GRID2: variants seen among roughly 807,000 people sequenced by gnomAD.
GRID2 encodes the protein glutamate ionotropic receptor delta type subunit 2.
In GRID2, 33 loss-of-function variants were observed where a neutral mutation model predicts 114.8. That is an observed-to-expected ratio of 0.29 (90% confidence interval 0.22 to 0.38). The LOEUF is 0.38. GRID2 is among the 10% of genes least tolerant of loss of function. GRID2 has a pLI of 1.00. For synonymous variants in GRID2, 505 were observed against 449.9 expected, an observed-to-expected ratio of 1.12 and a Z score of -1.55; for missense variants, 1,184 against 1,257.7, an observed-to-expected ratio of 0.94 and a Z score of 0.89.
chr4:92,982,765 G>A (rs1446438747), intron 2 of GRID2, among the ~76,000 whole-genome samples: 1 of 151,988 alleles, frequency 6.6e-6, no homozygotes, highest in Non-Finnish European at 1.5e-5. Context: ...AATAAAGAGA[G>A]AAATAAAATA....
intron 1 of GRID2, among the ~76,000 whole-genome samples, chr4:92,468,537 CACTT>C (rs1475305854): frequency 6.6e-6 from 1 of 151,990 alleles, no homozygotes; most frequent in Admixed American, 6.6e-5. Flanking sequence ...CTTAATTAAA[CACTT>C]ATTTAAACAA....
intron 2 of GRID2, among the ~76,000 whole-genome samples, chr4:92,908,225 G>T (rs17019998): frequency 0.015 from 2,248 of 152,088 alleles, 21 homozygotes; most frequent in East Asian, 0.054. Context: ...TCAGAGATAA[G>T]TACTAGTTTC....
intron 8 of GRID2, among the ~76,000 whole-genome samples, chr4:93,366,241 G>A (rs948968310): frequency 6.6e-6 from 1 of 152,144 alleles, no homozygotes; most frequent in South Asian, 2.1e-4. Flanking sequence ...AAGCAAATGG[G>A]AGAAATAATG....
chr4:92,410,576 A>T (rs569249853), intron 1 of GRID2, among the ~76,000 whole-genome samples: 19 of 152,228 alleles, frequency 1.2e-4, no homozygotes, highest in African/African-American at 4.1e-4. Context: ...TACAGAAGCA[A>T]CATGCATGGT....
intron 1 of GRID2, among the ~76,000 whole-genome samples, chr4:92,343,698 C>T (rs566282089): frequency 2.5e-4 from 38 of 152,080 alleles, no homozygotes; most frequent in East Asian, 1.9e-3. Flanking sequence ...CTCATCCTCC[C>T]GAGTAGTTGG....
At chr4:92,935,218 G>C (rs1053711847) in intron 2 of GRID2, among the ~76,000 whole-genome samples, 3 of 146,432 alleles carry the variant, frequency 2.0e-5, no homozygotes, top group Non-Finnish European at 4.5e-5. Context: ...TCAAAAAGTG[G>C]GCAAAGGACA....
intron 14 of GRID2, among the ~76,000 whole-genome samples, chr4:93,647,781 C>T (rs1026004157): frequency 6.6e-6 from 1 of 152,096 alleles, no homozygotes; most frequent in Non-Finnish European, 1.5e-5. Flanking sequence ...ACATTCCCTA[C>T]AACTAATTTA....
At chr4:93,320,923 ATATAAGATATTTATTAGAATGT>A (rs1170624671) in intron 8 of GRID2, among the ~76,000 whole-genome samples, 2 of 152,046 alleles carry the variant, frequency 1.3e-5, no homozygotes, top group East Asian at 3.9e-4. Flanking sequence ...ATATATTAAT[ATATAAGATATTTATTAGAATGT>A]TCTCTTGATA....
At chr4:92,578,415 A>G (rs925510441) in intron 1 of GRID2, among the ~76,000 whole-genome samples, 1 of 151,198 alleles carries the variant, frequency 6.6e-6, no homozygotes, top group Non-Finnish European at 1.5e-5. Flanking sequence ...GATGATTTCC[A>G]ATTTCATCCA....
chr4:93,494,237 G>T (rs1727306563), intron 12 of GRID2, among the ~76,000 whole-genome samples: 1 of 151,794 alleles, frequency 6.6e-6, no homozygotes, highest in South Asian at 2.1e-4. Flanking sequence ...GCATGTCAAT[G>T]TACTATTTCC....
At chr4:92,489,856 A>G (rs981670138) in intron 1 of GRID2, among the ~76,000 whole-genome samples, 19 of 151,982 alleles carry the variant, frequency 1.3e-4, no homozygotes, top group African/African-American at 4.3e-4. Flanking sequence ...AAAAAAAAAA[A>G]AAAAAAGTAA....
intron 2 of GRID2, among the ~76,000 whole-genome samples, chr4:92,797,628 T>G (rs946864882): frequency 6.6e-6 from 1 of 152,014 alleles, no homozygotes; most frequent in Admixed American, 6.6e-5. Flanking sequence ...TATTTTATGA[T>G]AGTGAATGAT....
intron 14 of GRID2, among the ~76,000 whole-genome samples, chr4:93,689,825 A>C (rs574747509): frequency 6.6e-6 from 1 of 152,114 alleles, no homozygotes; most frequent in Non-Finnish European, 1.5e-5. Context: ...TTTCATTTAA[A>C]ATATTCAAAT....
At chr4:93,345,218 T>G (rs950318336) in intron 8 of GRID2, among the ~76,000 whole-genome samples, 2 of 152,082 alleles carry the variant, frequency 1.3e-5, no homozygotes, top group East Asian at 1.9e-4. Context: ...TTTAATTTTT[T>G]GGGGAAACTT....
intron 2 of GRID2, among the ~76,000 whole-genome samples, chr4:92,896,683 A>T (rs879886729): frequency 1.3e-5 from 2 of 152,136 alleles, no homozygotes; most frequent in Non-Finnish European, 2.9e-5. Context: ...CAGAAGTTTA[A>T]AAGCAGATTC....
intron 4 of GRID2, among the ~76,000 whole-genome samples, chr4:93,114,249 C>T (rs1430384377): frequency 6.6e-6 from 1 of 152,078 alleles, no homozygotes; most frequent in East Asian, 1.9e-4. Context: ...CAAAGGTAGA[C>T]AGAATTAGTT....
chr4:93,305,248 A>G (rs1266874796), intron 8 of GRID2, among the ~76,000 whole-genome samples: 1 of 152,142 alleles, frequency 6.6e-6, no homozygotes, highest in East Asian at 1.9e-4. Context: ...CAAAAGGTTA[A>G]ATGTAGTTGT....
chr4:93,158,634 C>T (rs577201175), intron 4 of GRID2, among the ~76,000 whole-genome samples: 2 of 151,880 alleles, frequency 1.3e-5, no homozygotes, highest in South Asian at 4.2e-4. Flanking sequence ...CACACACACA[C>T]ACAAATACCT....
intron 2 of GRID2, among the ~76,000 whole-genome samples, chr4:92,678,854 G>A (rs547323422): frequency 6.6e-6 from 1 of 151,750 alleles, no homozygotes; most frequent in South Asian, 2.1e-4. Flanking sequence ...ATTTCTATTG[G>A]CATATTTTCA....
Sources: allele counts gnomAD v4.1 joint callset (sites outside exome capture counted in the v4.1 genomes callset), GRCh38; gene constraint gnomAD v4.1.1; transcripts MANE v1.5; gene names NCBI Gene and HGNC (gene_info 2026-07-23, HGNC 2026-07-21).